The following NAT1 variants were observed in gnomAD, a reference collection of about 807,000 sequenced individuals.
NAT1 encodes the protein arylamine N-acetyltransferase 1.
For synonymous variants in NAT1, 144 were observed against 122.6 expected (o/e 1.17, Z -1.16); for missense variants, 400 against 339.2 (o/e 1.18, Z -1.41).
At position 18,199,498 on chromosome 8, in the gene NAT1, C is replaced by A. The variant is rs117384493; in HGVS notation, n.93-10283C>A. Among the ~76,000 whole-genome samples the A allele has an allele frequency of 4.5e-4, 68 of 152,058 alleles. No individual in the cohort carries two copies. In the East Asian group the frequency reaches 0.012, roughly 26 times the overall value. On this transcript the variant is annotated intron_variant and non_coding_transcript_variant, in intron 2 of 4. Coordinates refer to the NAT1 transcript ENST00000517441. ...AGAGACCCTGAGACCCCTTAAGGAA[C>A]AGAGAAAAATGTGCCATCCGTCCCC...
chr8:18,205,963 T>C (rs28741071), upstream of NAT1, among the ~76,000 whole-genome samples: 3,518 of 152,258 alleles, frequency 0.023, 116 homozygotes, highest in African/African-American at 0.079. Context: ...CTCCAAGGGC[T>C]AAAGGCTCCT....
At chr8:18,196,551 G>A (rs1181218985) in intron 2 of NAT1, among the ~76,000 whole-genome samples, 1 of 152,132 alleles carries the variant, frequency 6.6e-6, no homozygotes, top group Non-Finnish European at 1.5e-5. Flanking sequence ...TTTTTCATGA[G>A]GATGCTGTAC....
At chr8:18,216,468 A>G (rs372971890) in intron 1 of NAT1, among the ~76,000 whole-genome samples, 20 of 152,312 alleles carry the variant, frequency 1.3e-4, no homozygotes, top group African/African-American at 3.8e-4. Flanking sequence ...CCAATCTGGC[A>G]TGGGGAAGAG....
intron 2 of NAT1, among the ~76,000 whole-genome samples, chr8:18,195,347 T>C (rs1803187072): frequency 6.6e-6 from 1 of 152,160 alleles, no homozygotes; most frequent in Non-Finnish European, 1.5e-5. Flanking sequence ...AATATTCAAA[T>C]AGGGCTAAGG....
intron 2 of NAT1, among the ~76,000 whole-genome samples, chr8:18,174,663 G>A (rs1802220408): frequency 1.3e-5 from 2 of 152,010 alleles, no homozygotes; most frequent in African/African-American, 2.4e-5. Flanking sequence ...ATTTTTCCCT[G>A]TAATAATAAT....
chr8:18,174,766 A>G (rs1463163232), intron 2 of NAT1, among the ~76,000 whole-genome samples: 1 of 151,892 alleles, frequency 6.6e-6, no homozygotes, highest in Non-Finnish European at 1.5e-5. Flanking sequence ...TAGCTCTATA[A>G]CTCTGGGCAA....
chr8:18,220,618 G>A (rs890775956), intron 2 of NAT1, among the ~76,000 whole-genome samples: 1 of 152,078 alleles, frequency 6.6e-6, no homozygotes, highest in Non-Finnish European at 1.5e-5. Flanking sequence ...CTTCATTCAG[G>A]TCTTTCCTCA....
At chr8:18,183,137 A>C (rs1802587022) in intron 2 of NAT1, among the ~76,000 whole-genome samples, 1 of 152,194 alleles carries the variant, frequency 6.6e-6, no homozygotes, top group Non-Finnish European at 1.5e-5. Context: ...GGGGAGAAGA[A>C]CGCTGACTCC....
At chr8:18,179,814 G>A (rs1339222236) in intron 2 of NAT1, among the ~76,000 whole-genome samples, 2 of 152,174 alleles carry the variant, frequency 1.3e-5, no homozygotes, top group Admixed American at 6.5e-5. Context: ...GCATGGCATT[G>A]TGTTTAGCCT....
rs1805516302 is a variant in NAT1 at position 18,223,063 on chromosome 8, A to G, written c.*143A>G. 1 of 463,324 alleles carries G rather than the reference A, an allele frequency of 2.2e-6. No homozygotes were observed. Among genetic ancestry groups the G allele is most frequent in the Non-Finnish European group, 3.5e-6 (1 of 287,378 alleles). The allele number at this position is 463,324 out of a possible 1,614,324, so 28.7% of individuals were successfully genotyped here. On this transcript the variant is annotated 3_prime_UTR_variant, in exon 3 of 3. Coordinates refer to ENST00000307719, the MANE Select transcript of NAT1 (RefSeq NM_000662.8). ...TCATTTCACCTATAAAAATGTCATC[A>G]TATATAATTAAACAGCTTTTTAAAG...
At chr8:18,198,283 CATT>C (rs1374478989) in intron 2 of NAT1, among the ~76,000 whole-genome samples, 1 of 152,120 alleles carries the variant, frequency 6.6e-6, no homozygotes, top group African/African-American at 2.4e-5. Flanking sequence ...CAGAGAAAAA[CATT>C]ATGAGAGAGG....
At chr8:18,187,304 A>T (rs1278296138) in intron 2 of NAT1, among the ~76,000 whole-genome samples, 1 of 152,102 alleles carries the variant, frequency 6.6e-6, no homozygotes, top group Non-Finnish European at 1.5e-5. Flanking sequence ...TTCCTTAAAG[A>T]CCTAAAACAG....
At chr8:18,195,845 G>T (rs79870602) in intron 2 of NAT1, among the ~76,000 whole-genome samples, 2 of 151,636 alleles carry the variant, frequency 1.3e-5, no homozygotes, top group Admixed American at 6.6e-5. Context: ...ACCTGATGGG[G>T]ATCAGATCTT....
chr8:18,191,866 G>A (rs1172783110), intron 2 of NAT1, among the ~76,000 whole-genome samples: 1 of 151,986 alleles, frequency 6.6e-6, no homozygotes, highest in Non-Finnish European at 1.5e-5. Flanking sequence ...TTAAACATTA[G>A]ACCTAAAACC....
intron 1 of NAT1, among the ~76,000 whole-genome samples, chr8:18,212,055 AC>A (rs1281545446): frequency 1.3e-5 from 2 of 152,146 alleles, no homozygotes; most frequent in Admixed American, 6.5e-5. Context: ...CTTGTTTATA[AC>A]TTTTTTAAGA....
intron 1 of NAT1, among the ~76,000 whole-genome samples, 189 bp from the exon 2 acceptor site, chr8:18,219,222 T>C (rs28359520): frequency 0.019 from 2,895 of 152,236 alleles, 48 homozygotes; most frequent in Middle Eastern, 0.085. Flanking sequence ...CCCATCAGCG[T>C]TGCACCCATC....
At chr8:18,195,956 A>G (rs1324947565) in intron 2 of NAT1, among the ~76,000 whole-genome samples, 1 of 152,136 alleles carries the variant, frequency 6.6e-6, no homozygotes, top group Non-Finnish European at 1.5e-5. Context: ...TGAAGAATTG[A>G]CATACCACAA....
intron 2 of NAT1, among the ~76,000 whole-genome samples, chr8:18,184,261 C>G (rs565548321): frequency 6.6e-6 from 1 of 152,152 alleles, no homozygotes; most frequent in African/African-American, 2.4e-5. Context: ...TTACAATCTG[C>G]CTTCTGGAAG....
intron 2 of NAT1, among the ~76,000 whole-genome samples, chr8:18,193,455 TA>T (rs71217305): frequency 0.19 from 26,714 of 137,786 alleles, 2,724 homozygotes; most frequent in Non-Finnish European, 0.23. Context: ...AGACTCTGTC[TA>T]AAAAAAAAAA....
Sources: gnomAD v4.1 joint callset for allele counts (sites outside exome capture counted in the v4.1 genomes callset) on GRCh38, gnomAD v4.1.1 for gene constraint, MANE v1.5 for transcripts, NCBI Gene and HGNC (gene_info 2026-07-23, HGNC 2026-07-21) for gene names.